The following P2RX5 variants were observed in gnomAD, a reference collection of about 807,000 sequenced individuals.
The protein encoded by P2RX5 is purinergic receptor P2X 5.
A neutral mutation model predicts 54.1 loss-of-function variants in P2RX5; 46 were observed. That is an observed-to-expected ratio of 0.85 (90% confidence interval 0.67 to 1.09). P2RX5 has a LOEUF of 1.09. P2RX5 is among the 50% of genes least tolerant of loss of function. P2RX5 has a pLI of 0.00. For missense variants in P2RX5, 566 were observed against 549.8 expected (o/e 1.03, Z -0.29); for synonymous variants, 226 against 226.4 (o/e 1.00, Z 0.02).
chr17:3,679,649 A>T lies in P2RX5; in HGVS notation c.1200T>A (p.Arg400=), dbSNP rs61750825. The part of the protein sequence containing the change: ...QELQEPPEAK[R]GSSSQKGNGS... Reference sequence around the variant, plus strand: ...CGTTCCCCTTCTGACTGCTGCTTCCACGCTTCGCCTCGGGTGGCTCCTGCA... The same window carrying T: ...CGTTCCCCTTCTGACTGCTGCTTCCTCGCTTCGCCTCGGGTGGCTCCTGCA... The change falls in exon 11 of 12, where the codon CGT becomes CGA. Residue 400 remains arginine, a synonymous_variant. Coordinates refer to ENST00000225328, the MANE Select transcript of P2RX5 (RefSeq NM_002561.4). 411 of 1,610,488 alleles carry T rather than the reference A, an allele frequency of 2.6e-4. 1 individual carries two copies. The African/African-American group carries it at 4.1e-3, about 16-fold the overall frequency.
intron 1 of P2RX5, 117 bp from the exon 2 acceptor site, chr17:3,691,911 C>T (rs1284365025): frequency 1.9e-6 from 2 of 1,028,266 alleles, no homozygotes; most frequent in Admixed American, 3.4e-5. Flanking sequence ...GGAGCAGGCT[C>T]AGGGCTCCAC....
At chr17:3,695,625 G>C (rs1005953393) in intron 1 of P2RX5, among the ~76,000 whole-genome samples, 1 of 152,114 alleles carries the variant, frequency 6.6e-6, no homozygotes, top group African/African-American at 2.4e-5. Flanking sequence ...GAGGAAACCA[G>C]AAGGCCCCTG....
At chr17:3,723,289 T>A in the P2RX5 span, 3 of 1,604,972 alleles carry the variant, frequency 1.9e-6, no homozygotes, top group East Asian at 4.5e-5. Flanking sequence ...CTCAAACACC[T>A]CCTCAGAGTG....
At chr17:3,713,834 G>A in the P2RX5 span, among the ~76,000 whole-genome samples, 1 of 148,830 alleles carries the variant, frequency 6.7e-6, no homozygotes, top group East Asian at 2.0e-4. Flanking sequence ...AGATATCAAT[G>A]CTCCCAAACT....
In P2RX5 at chr17:3,685,527, C is replaced by T. The variant is rs971120644; in HGVS notation, c.981+2485G>A. On this transcript the variant is annotated intron_variant, in intron 9 of 11. Transcript: ENST00000225328. ...GGGAGGTACTCCCAGCACCCATGAG[C>T]GCCACCCCAGAGCCCACGTTGATGA... 13 of 155,972 alleles carry T rather than the reference C, an allele frequency of 8.3e-5. 1 individual carries two copies. Among genetic ancestry groups the T allele is most frequent in the East Asian group, 3.5e-4 (2 of 5,634 alleles). 9.7% of individuals were successfully genotyped at this position (155,972 alleles called of 1,614,324 possible). A position where few individuals can be genotyped will look rare whatever the true frequency, so the allele number is the denominator to read the frequency against.
At chr17:3,700,189 T>C (rs1018229246), upstream of P2RX5, among the ~76,000 whole-genome samples, 1 of 152,158 alleles carries the variant, frequency 6.6e-6, no homozygotes, top group Non-Finnish European at 1.5e-5. Flanking sequence ...CAAACACCCA[T>C]TGTGCCCAGT....
At chr17:3,718,325 A>G in the P2RX5 span, 2 of 152,264 alleles carry the variant, frequency 1.3e-5, no homozygotes, top group African/African-American at 4.8e-5. Flanking sequence ...TCCTTTTGCT[A>G]CTGACTTCTT....
At chr17:3,714,255 G>C in the P2RX5 span, among the ~76,000 whole-genome samples, 1 of 145,410 alleles carries the variant, frequency 6.9e-6, no homozygotes, top group Non-Finnish European at 1.5e-5. Flanking sequence ...TTGAGATGGA[G>C]TCTCACTCTG....
chr17:3,681,958 C>T lies in P2RX5; in HGVS notation c.1002G>A (p.Leu334=), dbSNP rs149274827. Residue 334 remains leucine, a synonymous_variant, in exon 10 of 12, where the codon CTG becomes CTA. Coordinates refer to ENST00000225328, the MANE Select transcript of P2RX5 (RefSeq NM_002561.4). ...TCTTTTTGATGAGGTAGATGAGTAC[C>T]AGGTCGCAGAAGAAAGCACCCTGCA... ...VNGKGAFFCD[L]VLIYLIKKRE... 1,160 of 1,613,250 alleles carry T rather than the reference C, an allele frequency of 7.2e-4. 1 individual carries two copies. The highest frequency in any genetic ancestry group is 8.7e-4 in the Non-Finnish European group (1,027 of 1,179,408).
chr17:3,692,332 A>AAATG (rs2050642771), intron 1 of P2RX5, among the ~76,000 whole-genome samples: 2 of 151,900 alleles, frequency 1.3e-5, no homozygotes. Flanking sequence ...ATAAATAAAT[A>AAATG]AATAAATAAA....
chr17:3,674,768 T>A (rs2050063680), intron 11 of P2RX5, among the ~76,000 whole-genome samples: 15 of 152,220 alleles, frequency 9.9e-5, no homozygotes, highest in Admixed American at 9.8e-4. Flanking sequence ...GTTAGGCTGC[T>A]ATAACCTTTC....
intron 11 of P2RX5, chr17:3,677,523 C>A: frequency 1.0e-6 from 1 of 985,428 alleles, no homozygotes; most frequent in Admixed American, 6.1e-5. Context: ...CCCAAATGTC[C>A]CCTTGGGTGT....
chr17:3,677,305 G>A (rs1320274022), intron 11 of P2RX5: 3 of 985,256 alleles, frequency 3.0e-6, no homozygotes, highest in Non-Finnish European at 3.6e-6. Context: ...CAAGGCGACT[G>A]TATCTCCCAT....
At chr17:3,703,307 C>A in the P2RX5 span, among the ~76,000 whole-genome samples, 1 of 152,024 alleles carries the variant, frequency 6.6e-6, no homozygotes, top group Non-Finnish European at 1.5e-5. Context: ...GAGTTAGAGA[C>A]CAGCGTGGAC....
At chr17:3,682,094 T>C (rs1421449523) in intron 9 of P2RX5, 116 bp from the exon 10 acceptor site, 2 of 736,696 alleles carry the variant, frequency 2.7e-6, no homozygotes, top group South Asian at 3.0e-5. Context: ...ACTGTCCCCA[T>C]TTAACAGATG....
chr17:3,696,127 G>T lies in P2RX5; in HGVS notation c.-122C>A. On this transcript the variant is annotated 5_prime_UTR_variant, in exon 1 of 12. The change creates a new upstream start codon in the 5' untranslated region. Coordinates refer to ENST00000225328, the MANE Select transcript of P2RX5 (RefSeq NM_002561.4). ...GCCCGTCTGCGCCCGCTCAGCTGCA[G>T]CCCGGGGTGTCCGGCAGGGCTGCGG... 9.3e-7 allele frequency: 1 copy of T among 1,075,168 alleles called. No individual in the cohort carries two copies. The highest frequency in any genetic ancestry group is 1.2e-6 in the Non-Finnish European group (1 of 813,676). 66.6% of individuals were successfully genotyped at this position (1,075,168 alleles called of 1,614,324 possible). A position where few individuals can be genotyped will look rare whatever the true frequency, so the allele number is the denominator to read the frequency against.
chr17:3,708,045 G>A, the P2RX5 span, among the ~76,000 whole-genome samples: 1 of 125,706 alleles, frequency 8.0e-6, no homozygotes, highest in Non-Finnish European at 1.7e-5. Context: ...GTGACAGAGT[G>A]AGACTCCGTC....
the P2RX5 span, among the ~76,000 whole-genome samples, chr17:3,718,573 T>C: frequency 2.3e-4 from 35 of 152,246 alleles, no homozygotes; most frequent in Non-Finnish European, 4.6e-4. Flanking sequence ...TTTATACTCA[T>C]AGAGTCACTG....
intron 1 of P2RX5, among the ~76,000 whole-genome samples, chr17:3,695,334 C>G (rs2143002181): frequency 6.6e-6 from 1 of 152,278 alleles, no homozygotes; most frequent in Admixed American, 6.5e-5. Context: ...GGACCCCCAG[C>G]TGGACACCAG....
Sources: allele counts gnomAD v4.1 joint callset (sites outside exome capture counted in the v4.1 genomes callset), GRCh38; gene constraint gnomAD v4.1.1; transcripts MANE v1.5; gene names NCBI Gene and HGNC (gene_info 2026-07-23, HGNC 2026-07-21).